Variants in TAF2 observed in about 807,000 individuals in gnomAD.
The protein encoded by TAF2 is TATA-box binding protein associated factor 2.
Under a neutral mutation model 138.5 loss-of-function variants are expected in TAF2, and 61 were observed. The ratio of observed to expected loss-of-function variants is 0.44; its 90% CI spans 0.36 to 0.54. The LOEUF is 0.54. Among genes scored for constraint, TAF2 ranks in the 20% least tolerant of loss-of-function variants. The pLI is 0.00. For missense variants in TAF2, 1,090 were observed against 1,427.9 expected (o/e 0.76, Z 3.81); for synonymous variants, 475 against 469.9 (o/e 1.01, Z -0.14).
At chr8:119,742,822 C>G (rs1336374380) in intron 24 of TAF2, among the ~76,000 whole-genome samples, 166 bp from the exon 25 acceptor site, 1 of 152,060 alleles carries the variant, frequency 6.6e-6, no homozygotes, top group Admixed American at 6.6e-5. Flanking sequence ...TGGCTCACAT[C>G]TTTAATCCCA....
chr8:119,810,130 G>C (rs1014840225), intron 3 of TAF2, among the ~76,000 whole-genome samples: 1 of 151,728 alleles, frequency 6.6e-6, no homozygotes, highest in Non-Finnish European at 1.5e-5. Context: ...GGGGTGTACA[G>C]TTGTACAAAT....
At chr8:119,768,213 CG>C (rs1252879292) in intron 18 of TAF2, among the ~76,000 whole-genome samples, 3 of 152,188 alleles carry the variant, frequency 2.0e-5, no homozygotes, top group Non-Finnish European at 2.9e-5. Context: ...CCACCACCTG[CG>C]TATTCTGCCA....
intron 16 of TAF2, 47 bp from the exon 17 acceptor site, chr8:119,781,240 A>G (rs1239897011): frequency 3.1e-6 from 5 of 1,607,010 alleles, no homozygotes; most frequent in Middle Eastern, 1.7e-4. Flanking sequence ...CAATGCAAAC[A>G]TACTTTAAAA....
At chr8:119,788,613 G>C (rs1165132510) in intron 13 of TAF2, among the ~76,000 whole-genome samples, 166 bp from the exon 14 acceptor site, 3 of 151,610 alleles carry the variant, frequency 2.0e-5, no homozygotes, top group Non-Finnish European at 4.4e-5. Flanking sequence ...GGAAGATTCT[G>C]AGTCCCCAGA....
chr8:119,750,053 A>G (rs1820242683), intron 22 of TAF2, among the ~76,000 whole-genome samples: 1 of 152,214 alleles, frequency 6.6e-6, no homozygotes, highest in Admixed American at 6.5e-5. Flanking sequence ...GATCCTACCG[A>G]AAAATCATCT....
intron 23 of TAF2, 103 bp from the exon 24 acceptor site, chr8:119,744,496 C>A (rs1819818969): frequency 4.4e-6 from 4 of 901,886 alleles, no homozygotes; most frequent in Non-Finnish European, 7.3e-6. Flanking sequence ...ATAGGATATA[C>A]CCCCATATAA....
At chr8:119,819,165 G>A (rs1452675451) in intron 3 of TAF2, among the ~76,000 whole-genome samples, 181 bp downstream of exon 3, 6 of 151,970 alleles carry the variant, frequency 3.9e-5, no homozygotes, top group African/African-American at 1.4e-4. Flanking sequence ...TAGTAACTAC[G>A]TTGGGCACAG....
chr8:119,773,202 C>T (rs902169185), intron 18 of TAF2, among the ~76,000 whole-genome samples: 58 of 150,898 alleles, frequency 3.8e-4, no homozygotes, highest in African/African-American at 1.4e-3. Context: ...GCACAATTAC[C>T]TAATAAGTAG....
chr8:119,774,400 C>T (rs1822071707), intron 18 of TAF2, among the ~76,000 whole-genome samples: 1 of 152,112 alleles, frequency 6.6e-6, no homozygotes, highest in Non-Finnish European at 1.5e-5. Context: ...AGACTATCTA[C>T]ACCAAGCTTA....
At chr8:119,755,069 C>A (rs1216300831) in intron 22 of TAF2, among the ~76,000 whole-genome samples, 2 of 152,200 alleles carry the variant, frequency 1.3e-5, no homozygotes, top group African/African-American at 2.4e-5. Flanking sequence ...TTATCACCTA[C>A]ATTTTACAAA....
chr8:119,798,667 A>C (rs1353494513), intron 6 of TAF2, among the ~76,000 whole-genome samples: 2 of 152,212 alleles, frequency 1.3e-5, no homozygotes, highest in Admixed American at 6.5e-5. Context: ...TGAATATAAC[A>C]TCTATTACGG....
chr8:119,812,443 T>C (rs139539000), intron 3 of TAF2, among the ~76,000 whole-genome samples: 95 of 152,158 alleles, frequency 6.2e-4, no homozygotes, highest in African/African-American at 2.2e-3. Context: ...GTAGTGTACA[T>C]TGCACCCAAT....
chr8:119,806,490 G>C, intron 3 of TAF2, 89 bp from the exon 4 acceptor site: 1 of 916,836 alleles, frequency 1.1e-6, no homozygotes, highest in Non-Finnish European at 1.6e-6. Context: ...TTTTTTTTTA[G>C]ATGAAGTCTC....
Position 119,734,102 on chromosome 8 carries a change from C to G in TAF2, c.3338-1916G>C, listed in dbSNP as rs144540444. Among the ~76,000 whole-genome samples, 4 of 152,240 alleles carry G rather than the reference C, an allele frequency of 2.6e-5. No homozygotes were observed. The East Asian group carries it at 7.7e-4, about 29-fold the overall frequency. On this transcript the variant is annotated intron_variant, in intron 25 of 25. Coordinates refer to ENST00000378164, the MANE Select transcript of TAF2 (RefSeq NM_003184.4). Reference sequence around the variant, plus strand: ...GCACAAGACACCCCTATACCCCCAACAACGAATTATGCCTAAAATGTCAAC... The same window carrying G: ...GCACAAGACACCCCTATACCCCCAAGAACGAATTATGCCTAAAATGTCAAC...
At chr8:119,769,255 CA>C (rs1323859165) in intron 18 of TAF2, among the ~76,000 whole-genome samples, 8 of 151,790 alleles carry the variant, frequency 5.3e-5, no homozygotes, top group Admixed American at 1.3e-4. Flanking sequence ...GAAGTACAGC[CA>C]AAAAAATACC....
intron 18 of TAF2, among the ~76,000 whole-genome samples, chr8:119,764,062 C>G (rs1054319899): frequency 4.6e-5 from 7 of 151,324 alleles, no homozygotes; most frequent in African/African-American, 1.7e-4. Flanking sequence ...AGCAGAACTG[C>G]TTGAATCTGG....
intron 3 of TAF2, among the ~76,000 whole-genome samples, chr8:119,807,677 C>A (rs937643983): frequency 2.0e-5 from 3 of 152,228 alleles, no homozygotes; most frequent in African/African-American, 7.2e-5. Flanking sequence ...GTAATCCCAG[C>A]ACTTTGGGAG....
chr8:119,815,038 C>T (rs1403115205), intron 3 of TAF2, among the ~76,000 whole-genome samples: 1 of 151,758 alleles, frequency 6.6e-6, no homozygotes. Context: ...CTCATGATTA[C>T]AAGGCATGAT....
chr8:119,797,823 T>C lies in TAF2; in HGVS notation c.816A>G (p.Gln272=), dbSNP rs762058128. ...TGGTATGTTTCAGCAATGGAAGAAGTTGGGGCAAACAAAAATGAGTAACCT... is the reference window on the plus strand; with the variant it reads ...TGGTATGTTTCAGCAATGGAAGAAGCTGGGGCAAACAAAAATGAGTAACCT... ...MHEVTHFCLP[Q]LLPLLKHTTS... The change falls in exon 7 of 26, where the codon CAA becomes CAG. Residue 272 remains glutamine (Q), a synonymous_variant. Coordinates refer to ENST00000378164, the MANE Select transcript of TAF2 (RefSeq NM_003184.4). 5.0e-6 allele frequency: 8 copies of C among 1,613,494 alleles called. No homozygotes were observed. The Admixed American group carries it at 8.3e-5, about 17-fold the overall frequency.
Sources: gnomAD v4.1 joint callset for allele counts (sites outside exome capture counted in the v4.1 genomes callset) on GRCh38, gnomAD v4.1.1 for gene constraint, MANE v1.5 for transcripts, NCBI Gene and HGNC (gene_info 2026-07-23, HGNC 2026-07-21) for gene names.